The following CASK variants were observed in gnomAD, a reference collection of about 807,000 sequenced individuals.
CASK encodes calcium/calmodulin dependent serine protein kinase, also known as peripheral plasma membrane protein CASK.
In CASK, 4 loss-of-function variants were observed where a neutral mutation model predicts 82.9. That is an observed-to-expected ratio of 0.05 (90% CI 0.02 to 0.11). The LOEUF (loss-of-function observed/expected upper bound fraction) is 0.11. CASK is among the 10% of genes least tolerant of loss of function. The pLI is 1.00. For synonymous variants in CASK, 259 were observed against 253.5 expected, an observed-to-expected ratio of 1.02 and a Z score of -0.20; for missense variants, 358 against 720.9, an observed-to-expected ratio of 0.50 and a Z score of 5.76.
At position 41,557,045 on chromosome X, in the gene CASK, T is replaced by C; in HGVS notation, c.1793A>G (p.Asn598Ser). The C allele has an allele frequency of 1.7e-6, 2 of 1,208,412 alleles. No homozygotes were observed. The highest frequency in any genetic ancestry group is 1.1e-6 in the Non-Finnish European group (1 of 892,471). ...QSPANGHSST[N>S]NSVSDLPSTT... Reference sequence around the variant, plus strand: ...TAAAGTTCTTACCGAAACAGAATTGTTAGTGCTGCTATGACCATTAGCTGG... The same window carrying C: ...TAAAGTTCTTACCGAAACAGAATTGCTAGTGCTGCTATGACCATTAGCTGG... The change falls in exon 19 of 27, where the codon AAC becomes AGC. Residue 598 changes from asparagine to serine, a missense_variant. By Grantham distance (46) the Asn-to-Ser change is conservative (BLOSUM62 1). This residue lies in a region of CASK where 41 missense variants were observed against 39.4 expected (regional missense o/e 1.04). Coordinates refer to ENST00000378163, the MANE Select transcript of CASK (RefSeq NM_001367721.1).
At chrX:41,774,310 C>G (rs2147802288) in intron 3 of CASK, among the ~76,000 whole-genome samples, 1 of 111,215 alleles carries the variant, frequency 9.0e-6, no homozygotes, top group African/African-American at 3.3e-5. Context: ...GACAAACAGC[C>G]AAATCATGAG....
chrX:41,675,249 C>A (rs2067249271), intron 5 of CASK, among the ~76,000 whole-genome samples: 1 of 112,236 alleles, frequency 8.9e-6, no homozygotes, highest in South Asian at 3.7e-4. Flanking sequence ...AAGGTGTGCA[C>A]ATTGAGATTG....
At chrX:41,909,142 T>C (rs1303961267) in intron 1 of CASK, among the ~76,000 whole-genome samples, 1 of 111,802 alleles carries the variant, frequency 8.9e-6, no homozygotes, top group Non-Finnish European at 1.9e-5. Context: ...TCTAATTCTG[T>C]AGGGCCAGAG....
Position 41,698,858 on chromosome X carries a change from A to C in CASK, c.430-27328T>G, listed in dbSNP as rs369532297. ...GGCTGAGAAATCAATGTGAATGACCATGAAGATTTTGATCAGAACTGAGTT... is the reference window on the plus strand; with the variant it reads ...GGCTGAGAAATCAATGTGAATGACCCTGAAGATTTTGATCAGAACTGAGTT... On this transcript the variant is annotated intron_variant, in intron 5 of 26. Transcript: ENST00000378163. Among the ~76,000 whole-genome samples, 33 of 111,809 alleles carry C rather than the reference A, an allele frequency of 3.0e-4. 2 individuals carry two copies. Among genetic ancestry groups the C allele is most frequent in the Admixed American group, 2.8e-3 (29 of 10,498 alleles).
Position 41,775,523 on chromosome X carries a change from T to C in CASK, c.278+11655A>G, listed in dbSNP as rs1356357911. 8.3e-3 allele frequency among the ~76,000 whole-genome samples: 836 copies of C among 100,424 alleles called. 11 individuals are homozygous for C. The highest frequency in any genetic ancestry group is 0.025 in the African/African-American group (723 of 28,522). The allele number at this position is 100,424 out of a possible 115,157, so 87.2% of individuals were successfully genotyped here. Reference sequence around the variant, plus strand: ...CTAGAAATACCATTTGACCCAGCCATCCCATTACTGGGTATATACCCAAAG... The same window carrying C: ...CTAGAAATACCATTTGACCCAGCCACCCCATTACTGGGTATATACCCAAAG... On this transcript the variant is annotated intron_variant, in intron 3 of 26. Coordinates refer to ENST00000378163, the MANE Select transcript of CASK (RefSeq NM_001367721.1).
intron 3 of CASK, 171 bp downstream of exon 3, chrX:41,787,007 C>T (rs1202794889): frequency 3.1e-5 from 14 of 444,473 alleles, no homozygotes; most frequent in Non-Finnish European, 2.0e-5. Flanking sequence ...CTTTTGCTTC[C>T]TTTGCCACTG....
chrX:41,636,750 T>TA (rs2066561498), intron 8 of CASK, 89 bp from the exon 9 acceptor site: 1 of 580,947 alleles, frequency 1.7e-6, no homozygotes. Flanking sequence ...CTAAAATTCT[T>TA]AAATATAAAA....
intron 7 of CASK, among the ~76,000 whole-genome samples, chrX:41,661,833 C>T (rs2067039302): frequency 9.0e-6 from 1 of 110,649 alleles, no homozygotes; most frequent in African/African-American, 3.3e-5. Flanking sequence ...AAATCCCACA[C>T]TTTTCATCCT....
At chrX:41,651,523 T>C (rs2066864477) in intron 8 of CASK, among the ~76,000 whole-genome samples, 1 of 111,731 alleles carries the variant, frequency 9.0e-6, no homozygotes, top group African/African-American at 3.3e-5. Flanking sequence ...CCTGAGTCAC[T>C]GGGACTGCAG....
intron 1 of CASK, among the ~76,000 whole-genome samples, chrX:41,854,592 T>A (rs1212793273): frequency 8.9e-6 from 1 of 112,335 alleles, no homozygotes; most frequent in Non-Finnish European, 1.9e-5. Context: ...ACTACACTTG[T>A]GATACTGCTG....
chrX:41,677,905 C>T (rs950010712), intron 5 of CASK, among the ~76,000 whole-genome samples: 8 of 112,379 alleles, frequency 7.1e-5, no homozygotes. Context: ...AAACGAAAAA[C>T]CCAAAAACAA....
At chrX:41,693,692 A>G (rs1602478433) in intron 5 of CASK, among the ~76,000 whole-genome samples, 1 of 111,654 alleles carries the variant, frequency 9.0e-6, no homozygotes, top group Admixed American at 9.5e-5. Context: ...CTTTCTATAA[A>G]CTTTCTGAAA....
At chrX:41,766,714 C>T (rs1396293541) in intron 3 of CASK, among the ~76,000 whole-genome samples, 2 of 111,675 alleles carry the variant, frequency 1.8e-5, no homozygotes, top group African/African-American at 6.5e-5. Context: ...TGGTGAAACG[C>T]TGTCTCTATA....
intron 12 of CASK, among the ~76,000 whole-genome samples, chrX:41,606,261 CAT>C (rs1173458675): frequency 6.3e-5 from 7 of 111,208 alleles, no homozygotes; most frequent in African/African-American, 1.3e-4. Context: ...TTCATTCATT[CAT>C]TCATTCATTC....
At chrX:41,893,117 C>T (rs1244745859) in intron 1 of CASK, among the ~76,000 whole-genome samples, 1 of 112,014 alleles carries the variant, frequency 8.9e-6, no homozygotes, top group Non-Finnish European at 1.9e-5. Context: ...CATTGAAAAC[C>T]TAAGGCAGAG....
intron 13 of CASK, 85 bp from the exon 14 acceptor site, chrX:41,587,072 G>A (rs969925067): frequency 1.3e-4 from 78 of 584,292 alleles, no homozygotes; most frequent in Non-Finnish European, 1.9e-4. Context: ...AAAATTATGA[G>A]TGGATTTTTA....
intron 3 of CASK, among the ~76,000 whole-genome samples, chrX:41,747,214 T>C (rs1333590421): frequency 3.6e-5 from 4 of 110,744 alleles, no homozygotes; most frequent in African/African-American, 1.3e-4. Context: ...CTAAGGAACA[T>C]TTTCCAATGT....
At chrX:41,575,997 C>T (rs748461639) in intron 15 of CASK, among the ~76,000 whole-genome samples, 14 of 106,525 alleles carry the variant, frequency 1.3e-4, no homozygotes, top group East Asian at 5.9e-4. Context: ...TTTTTTGAAA[C>T]GGAGTCTCAC....
intron 5 of CASK, among the ~76,000 whole-genome samples, chrX:41,726,293 ATG>A (rs1386464856): frequency 8.9e-6 from 1 of 112,272 alleles, no homozygotes; most frequent in African/African-American, 3.2e-5. Context: ...TTATTGAAGT[ATG>A]ACAGTTTAAC....
Sources: allele counts gnomAD v4.1 joint callset (sites outside exome capture counted in the v4.1 genomes callset), GRCh38; gene constraint gnomAD v4.1.1; regional missense constraint gnomAD v4.1.1; transcripts MANE v1.5; gene names NCBI Gene and HGNC (gene_info 2026-07-23, HGNC 2026-07-21).